Variants in CRIPTO3 observed in about 807,000 individuals in gnomAD.
CRIPTO3 encodes protein CRIPTO3.
chrX:110,520,948 A>C, the CRIPTO3 span: 2 of 482,824 alleles, frequency 4.1e-6, 1 homozygote, highest in South Asian at 5.6e-5. Context: ...AAAGCCCTCC[A>C]GTTTCCCCTG....
the CRIPTO3 span, chrX:110,522,854 T>A: frequency 2.8e-5 from 3 of 106,561 alleles, no homozygotes; most frequent in African/African-American, 6.9e-5. Flanking sequence ...AGCCCATTTT[T>A]AAAATACATT....
chrX:110,522,555 G>T, the CRIPTO3 span: 1 of 110,951 alleles, frequency 9.0e-6, no homozygotes, highest in African/African-American at 3.3e-5. Context: ...TGGGTTACTT[G>T]ATTGGTGATT....
the CRIPTO3 span, chrX:110,521,397 ATGC>A: frequency 8.3e-7 from 1 of 1,211,871 alleles, no homozygotes; most frequent in Non-Finnish European, 1.1e-6. Flanking sequence ...GGGAACCTGC[ATGC>A]TGGAGTCCTT....
the CRIPTO3 span, chrX:110,521,123 A>T: frequency 8.7e-7 from 1 of 1,145,280 alleles, no homozygotes; most frequent in Non-Finnish European, 1.2e-6. Context: ...CCTAATTGTT[A>T]AAAGCTATGG....
chrX:110,522,452 G>A, the CRIPTO3 span: 2 of 111,863 alleles, frequency 1.8e-5, no homozygotes, highest in South Asian at 3.8e-4. Context: ...GGAGGAACCA[G>A]AGTGCTGAAG....
chrX:110,521,550 T>C, the CRIPTO3 span: 10 of 1,212,177 alleles, frequency 8.2e-6, no homozygotes, highest in Non-Finnish European at 1.1e-5. Flanking sequence ...GCTCCGCTGC[T>C]TTCCTCAGGC....
chrX:110,521,720 A>T, the CRIPTO3 span: 4 of 1,136,319 alleles, frequency 3.5e-6, no homozygotes, highest in Non-Finnish European at 4.8e-6. Context: ...ATTTCCAGAA[A>T]TACAATTTTA....
At chrX:110,521,383 A>C in the CRIPTO3 span, 2 of 1,211,769 alleles carry the variant, frequency 1.7e-6, no homozygotes, top group Non-Finnish European at 2.2e-6. Context: ...TGCTGCCTGA[A>C]TGGGGGAACC....
chrX:110,521,194 C>T, the CRIPTO3 span: 559 of 1,117,245 alleles, frequency 5.0e-4, no homozygotes, highest in Non-Finnish European at 5.6e-4. Flanking sequence ...ATTTCTAAAG[C>T]CTTTGAACTG....
chrX:110,521,191 A>C, the CRIPTO3 span: 1 of 1,122,724 alleles, frequency 8.9e-7, no homozygotes, highest in East Asian at 3.0e-5. Flanking sequence ...GCCATTTCTA[A>C]AGCCTTTGAA....
chrX:110,521,857 GAACT>G, the CRIPTO3 span: 1 of 502,184 alleles, frequency 2.0e-6, no homozygotes, highest in Middle Eastern at 5.5e-4. Context: ...TTTCCTTACA[GAACT>G]AACTACTTCT....
the CRIPTO3 span, chrX:110,522,921 A>G: frequency 9.2e-5 from 10 of 109,217 alleles, no homozygotes; most frequent in South Asian, 3.9e-4. Flanking sequence ...AAAAAAAAAA[A>G]AAAAGAAAAC....
chrX:110,521,672 C>T, the CRIPTO3 span: 1 of 1,202,596 alleles, frequency 8.3e-7, no homozygotes, highest in Non-Finnish European at 1.1e-6. Context: ...CTGGCATCTG[C>T]CTTTCTATAC....
At chrX:110,521,564 T>A in the CRIPTO3 span, 1 of 1,210,628 alleles carries the variant, frequency 8.3e-7, no homozygotes, top group African/African-American at 1.7e-5. Context: ...CTCAGGCATT[T>A]CTACCCGGCT....
chrX:110,522,565 T>C, the CRIPTO3 span: 4 of 110,301 alleles, frequency 3.6e-5, no homozygotes, highest in Non-Finnish European at 7.6e-5. Context: ...GATTGGTGAT[T>C]AGGTGGTGGT....
the CRIPTO3 span, chrX:110,522,768 C>A: frequency 2.7e-5 from 3 of 111,282 alleles, no homozygotes; most frequent in South Asian, 1.1e-3. Context: ...CTATTCAATT[C>A]TTTTAACTGT....
chrX:110,522,041 C>T, the CRIPTO3 span: 25 of 387,543 alleles, frequency 6.5e-5, no homozygotes, highest in Non-Finnish European at 1.1e-4. Flanking sequence ...CTGCAACCTC[C>T]GCATCCGGGG....
chrX:110,522,950 ATGCTCTTCAGAACTC>A, the CRIPTO3 span: 1 of 109,335 alleles, frequency 9.1e-6, no homozygotes. Flanking sequence ...GGCAAGGAAC[ATGCTCTTCAGAACTC>A]TGCTCTTCAG....
chrX:110,522,778 T>C, the CRIPTO3 span: 1 of 111,307 alleles, frequency 9.0e-6, no homozygotes, highest in African/African-American at 3.3e-5. Flanking sequence ...CTTTTAACTG[T>C]TGTAGAAGAG....
Sources: gnomAD v4.1 joint callset for allele counts on GRCh38, gnomAD v4.1.1 for gene constraint, MANE v1.5 for transcripts, NCBI Gene and HGNC (gene_info 2026-07-23, HGNC 2026-07-21) for gene names.